PTPRN2: variants seen among roughly 807,000 people sequenced by gnomAD.
The protein encoded by PTPRN2 is receptor-type tyrosine-protein phosphatase N2.
In PTPRN2, 74 loss-of-function variants were observed where a neutral mutation model predicts 118.8. The observed-to-expected ratio is 0.62, with a 90% CI of 0.52 to 0.76. The LOEUF (loss-of-function observed/expected upper bound fraction) is 0.76. Ranked by LOEUF, PTPRN2 falls within the 30% of genes least tolerant of loss-of-function variation. The probability of loss-of-function intolerance (pLI) is 0.00; values close to 1 mark genes in which losing one functional copy is unlikely to be tolerated. For synonymous variants in PTPRN2, 641 were observed against 608.0 expected (o/e 1.05, Z -0.80); for missense variants, 1,481 against 1,394.4 (o/e 1.06, Z -0.99).
intron 10 of PTPRN2, among the ~76,000 whole-genome samples, chr7:158,110,510 T>C (rs1033833002): frequency 6.6e-6 from 1 of 152,078 alleles, no homozygotes; most frequent in Non-Finnish European, 1.5e-5. Flanking sequence ...TTCTCTGGGG[T>C]GGGCCCTCCA....
chr7:157,910,572 C>G (rs572205362), intron 11 of PTPRN2, among the ~76,000 whole-genome samples: 11 of 152,380 alleles, frequency 7.2e-5, no homozygotes, highest in Admixed American at 7.2e-4. Context: ...ACACGTACAC[C>G]GTTCTGCACA....
intron 9 of PTPRN2, among the ~76,000 whole-genome samples, chr7:158,118,268 G>A (rs906851527): frequency 1.3e-5 from 2 of 152,084 alleles, no homozygotes; most frequent in African/African-American, 4.8e-5. Context: ...AAAAGGGTGG[G>A]TAAATAGCAT....
At position 158,550,527 on chromosome 7, in the gene PTPRN2, G is replaced by A. The variant is rs1826579861; in HGVS notation, c.112+37031C>T. Among the ~76,000 whole-genome samples, 4 of 152,212 alleles carry A rather than the reference G, an allele frequency of 2.6e-5. 1 individual carries two copies. Among genetic ancestry groups the A allele is most frequent in the Admixed American group, 1.3e-4 (2 of 15,280 alleles). On this transcript the variant is annotated intron_variant, in intron 1 of 22. Transcript: ENST00000389418. ...CCACAGGCCCACTCATGGCTGGCGTGGCCACCCACGGAGTCTAACTGCAAT... is the reference window on the plus strand; with the variant it reads ...CCACAGGCCCACTCATGGCTGGCGTAGCCACCCACGGAGTCTAACTGCAAT...
intron 11 of PTPRN2, among the ~76,000 whole-genome samples, chr7:158,037,123 A>G (rs1419522284): frequency 6.6e-6 from 1 of 152,230 alleles, no homozygotes; most frequent in East Asian, 1.9e-4. Flanking sequence ...GTTAGAAGTT[A>G]ATTTAAAAAT....
intron 22 of PTPRN2, among the ~76,000 whole-genome samples, chr7:157,547,036 T>C (rs1798355870): frequency 6.6e-6 from 1 of 152,214 alleles, no homozygotes; most frequent in South Asian, 2.1e-4. Context: ...GGGAAGAGGC[T>C]GCCTGACAGG....
chr7:158,031,103 T>C (rs1180175352), intron 11 of PTPRN2: 1 of 152,396 alleles, frequency 6.6e-6, no homozygotes, highest in African/African-American at 2.4e-5. Context: ...GGGACAAGAA[T>C]GATGAATAAA....
Position 157,583,344 on chromosome 7 carries a change from C to T in PTPRN2, c.2497-5204G>A, listed in dbSNP as rs1349019840. 6.6e-6 allele frequency among the ~76,000 whole-genome samples: 1 copy of T among 152,022 alleles called. No individual in the cohort carries two copies. Among genetic ancestry groups the T allele is most frequent in the Non-Finnish European group, 1.5e-5 (1 of 67,982 alleles). ...AGGGTGGAATGGGGAGCAATTGATC[C>T]AAAGGTAGTAACTTCCAGTAGAGGA... On this transcript the variant is annotated intron_variant, in intron 17 of 22. Coordinates refer to ENST00000389418, the MANE Select transcript of PTPRN2 (RefSeq NM_002847.5). This position sits in a 1 kb window ranked among gnomAD's most constrained non-coding sequence, Gnocchi z 5.5.
At chr7:158,295,774 T>C (rs1278840906) in intron 3 of PTPRN2, among the ~76,000 whole-genome samples, 28 of 139,658 alleles carry the variant, frequency 2.0e-4, no homozygotes, top group African/African-American at 7.5e-4. Context: ...CCACTCTCCA[T>C]CCGCACGGTT....
chr7:157,542,560 C>T (rs753452043), intron 22 of PTPRN2, among the ~76,000 whole-genome samples: 2 of 151,996 alleles, frequency 1.3e-5, no homozygotes, highest in Non-Finnish European at 2.9e-5. Context: ...CAGCCACTTG[C>T]GGCATCCAAC....
chr7:158,328,012 C>A (rs558582117), intron 2 of PTPRN2, among the ~76,000 whole-genome samples: 2 of 152,310 alleles, frequency 1.3e-5, no homozygotes, highest in South Asian at 2.1e-4. Context: ...GAATCACTGC[C>A]CTGTTGAAAG....
chr7:158,230,582 TCA>T (rs1829101613), intron 3 of PTPRN2, among the ~76,000 whole-genome samples: 1 of 152,316 alleles, frequency 6.6e-6, no homozygotes, highest in East Asian at 1.9e-4. Context: ...TTTTGTGATC[TCA>T]GTTATCTCTT....
chr7:158,515,687 T>C (rs1365742004), intron 1 of PTPRN2, among the ~76,000 whole-genome samples: 2 of 152,096 alleles, frequency 1.3e-5, no homozygotes, highest in African/African-American at 4.8e-5. Flanking sequence ...GCCTCTGCAA[T>C]CCCTCTTCCC....
At chr7:158,450,011 C>A (rs1817991498) in intron 2 of PTPRN2, among the ~76,000 whole-genome samples, 2 of 152,200 alleles carry the variant, frequency 1.3e-5, no homozygotes, top group African/African-American at 4.8e-5. Context: ...GGTCTGGAGG[C>A]TGGAAGTCTG....
intron 2 of PTPRN2, among the ~76,000 whole-genome samples, chr7:158,332,755 G>A (rs1232217761): frequency 6.6e-6 from 1 of 150,998 alleles, no homozygotes; most frequent in Non-Finnish European, 1.5e-5. Context: ...GAGGCCCACA[G>A]AGGACACTCA....
At chr7:158,206,020 C>T (rs528859579) in intron 3 of PTPRN2, among the ~76,000 whole-genome samples, 1 of 152,216 alleles carries the variant, frequency 6.6e-6, no homozygotes, top group South Asian at 2.1e-4. Context: ...ACTACAATTC[C>T]TGGGCAAGTC....
chr7:158,444,382 C>G (rs1817583768), intron 2 of PTPRN2, among the ~76,000 whole-genome samples: 1 of 152,278 alleles, frequency 6.6e-6, no homozygotes, highest in Admixed American at 6.5e-5. Context: ...AAGTCCCCAC[C>G]CACGGCCAGT....
intron 12 of PTPRN2, among the ~76,000 whole-genome samples, chr7:157,841,088 C>A (rs1026399417): frequency 2.0e-5 from 3 of 152,236 alleles, no homozygotes; most frequent in South Asian, 2.1e-4. Context: ...TCGCTCCCAG[C>A]ACAGGGCAGA....
intron 3 of PTPRN2, among the ~76,000 whole-genome samples, chr7:158,244,995 G>A (rs1314834547): frequency 6.6e-6 from 1 of 152,216 alleles, no homozygotes; most frequent in African/African-American, 2.4e-5. Flanking sequence ...CTGCTCCCTG[G>A]CTGTGTCATG....
chr7:158,203,225 C>CAA (rs56016358), intron 4 of PTPRN2, among the ~76,000 whole-genome samples: 1,013 of 50,348 alleles, frequency 0.02, 81 homozygotes, highest in Non-Finnish European at 0.03. Flanking sequence ...AAGCAAGAGC[C>CAA]AAAAAAAAAA....
Sources: allele counts gnomAD v4.1 joint callset (sites outside exome capture counted in the v4.1 genomes callset), GRCh38; gene constraint gnomAD v4.1.1; non-coding constraint Gnocchi (gnomAD v3.1); transcripts MANE v1.5; gene names NCBI Gene and HGNC (gene_info 2026-07-23, HGNC 2026-07-21).